Variants in ARFGEF2 observed in about 807,000 individuals in gnomAD.
ARFGEF2 encodes ARF guanine nucleotide exchange factor 2.
A neutral mutation model predicts 219.9 loss-of-function variants in ARFGEF2; 74 were observed. That is an observed-to-expected ratio of 0.34 (90% CI 0.28 to 0.41). The LOEUF is 0.41. ARFGEF2 is among the 10% of genes least tolerant of loss of function. The pLI, the probability that ARFGEF2 is intolerant of heterozygous loss-of-function variation, is 1.00. For synonymous variants in ARFGEF2, 733 were observed against 799.2 expected (o/e 0.92, Z 1.40); for missense variants, 1,743 against 2,218.3 (o/e 0.79, Z 4.30).
At chr20:48,982,223 C>T (rs1171235248) in intron 14 of ARFGEF2, among the ~76,000 whole-genome samples, 2 of 152,126 alleles carry the variant, frequency 1.3e-5, no homozygotes, top group Non-Finnish European at 2.9e-5. Context: ...TGTAGCTTTC[C>T]TTCTAACAGT....
chr20:48,993,435 G>T (rs1345948337), intron 21 of ARFGEF2, among the ~76,000 whole-genome samples: 1 of 152,164 alleles, frequency 6.6e-6, no homozygotes, highest in African/African-American at 2.4e-5. Context: ...ATTCTCTTTG[G>T]TGGAATTAAG....
chr20:49,002,159 A>AC (rs2091429110), intron 25 of ARFGEF2, among the ~76,000 whole-genome samples: 1 of 152,196 alleles, frequency 6.6e-6, no homozygotes, highest in African/African-American at 2.4e-5. Flanking sequence ...ACTATCTCGA[A>AC]CCCGGGGGGT....
chr20:48,940,616 C>T (rs920164412), intron 1 of ARFGEF2, among the ~76,000 whole-genome samples: 1 of 152,200 alleles, frequency 6.6e-6, no homozygotes, highest in Non-Finnish European at 1.5e-5. Context: ...CAGAAAGCCT[C>T]GGTTCAAATT....
chr20:48,990,504 A>G (rs1223430573), intron 20 of ARFGEF2, among the ~76,000 whole-genome samples: 1 of 152,136 alleles, frequency 6.6e-6, no homozygotes, highest in Non-Finnish European at 1.5e-5. Flanking sequence ...GTTGCACCCC[A>G]TTTATTTTTA....
chr20:48,995,966 ATTTC>A, intron 23 of ARFGEF2, 84 bp downstream of exon 23: 2 of 1,236,098 alleles, frequency 1.6e-6, no homozygotes, highest in Middle Eastern at 3.8e-4. Context: ...ATGATTCCTA[ATTTC>A]TTTAACTGAT....
chr20:49,005,245 G>C (rs376442530), intron 26 of ARFGEF2, 24 bp downstream of exon 26: 2 of 1,613,572 alleles, frequency 1.2e-6, no homozygotes, highest in Non-Finnish European at 8.5e-7. Flanking sequence ...TCTGGAAGAC[G>C]CTTGGTCAAA....
chr20:49,002,163 G>A (rs555658048), intron 25 of ARFGEF2, among the ~76,000 whole-genome samples: 12 of 152,292 alleles, frequency 7.9e-5, no homozygotes, highest in South Asian at 2.1e-4. Flanking sequence ...TCTCGAACCC[G>A]GGGGGTGGAG....
intron 16 of ARFGEF2, among the ~76,000 whole-genome samples, chr20:48,986,680 C>T (rs1045680599): frequency 6.6e-6 from 1 of 152,060 alleles, no homozygotes; most frequent in Admixed American, 6.6e-5. Context: ...ATGCTGTGAC[C>T]ATGATGTGGA....
intron 12 of ARFGEF2, 108 bp from the exon 13 acceptor site, chr20:48,974,658 T>A: frequency 1.2e-6 from 1 of 806,574 alleles, no homozygotes; most frequent in Non-Finnish European, 2.1e-6. Context: ...TAGCACTGAC[T>A]GTCAGTGATT....
chr20:49,032,090 C>T lies in ARFGEF2; in HGVS notation c.5105C>T (p.Ser1702Phe), dbSNP rs767531219. 5 of 1,614,094 alleles carry T rather than the reference C, an allele frequency of 3.1e-6. No individual in the cohort carries two copies. Among genetic ancestry groups the T allele is most frequent in the Non-Finnish European group, 4.2e-6 (5 of 1,180,010 alleles). Residue 1702 changes from serine (S) to phenylalanine (F), a missense_variant, in exon 38 of 39, where the codon TCT (serine) becomes TTT (phenylalanine). Physicochemically the swap from Ser to Phe is radical, Grantham distance 155. Transcript: ENST00000371917. ...CTTGCCTATTTCATCACTGTGAATT[C>T]TGAGAGCCATCGGGAGGCCTGGACA... Reference protein sequence around the residue: ...EALAYFITVNSESHREAWTSL... With the variant: ...EALAYFITVNFESHREAWTSL...
intron 27 of ARFGEF2, among the ~76,000 whole-genome samples, chr20:49,011,376 G>A (rs554926606): frequency 2.0e-5 from 3 of 152,188 alleles, no homozygotes; most frequent in Admixed American, 2.0e-4. Flanking sequence ...TAACTATCAG[G>A]AATAATGAGA....
chr20:49,034,434 C>T lies in ARFGEF2; in HGVS notation c.*1235C>T, dbSNP rs2091654929. The T allele has an allele frequency of 6.6e-6, 1 of 152,216 alleles. No homozygotes were observed. The highest frequency in any genetic ancestry group is 1.5e-5 in the Non-Finnish European group (1 of 68,044). 9.4% of individuals were successfully genotyped at this position (152,216 alleles called of 1,614,324 possible). On this transcript the variant is annotated 3_prime_UTR_variant, in exon 39 of 39. Transcript: ENST00000371917. ...CCTGCAGTAGAACTGAGTTCTGCTGCAGCTTGTGTAAAAGTGGGCAGTACA... is the reference window on the plus strand; with the variant it reads ...CCTGCAGTAGAACTGAGTTCTGCTGTAGCTTGTGTAAAAGTGGGCAGTACA...
intron 11 of ARFGEF2, among the ~76,000 whole-genome samples, chr20:48,972,686 C>T (rs1035524835): frequency 2.0e-5 from 3 of 152,154 alleles, no homozygotes; most frequent in South Asian, 2.1e-4. Context: ...CACTTGGTTA[C>T]GTTACCTACA....
At chr20:48,970,775 A>ACT (rs1348483183) in intron 9 of ARFGEF2, among the ~76,000 whole-genome samples, 2 of 152,214 alleles carry the variant, frequency 1.3e-5, no homozygotes, top group Non-Finnish European at 2.9e-5. Context: ...TGTGTGAAAC[A>ACT]GAGTGAGCCA....
chr20:48,970,010 C>G (rs2091214857), intron 9 of ARFGEF2, among the ~76,000 whole-genome samples: 1 of 152,230 alleles, frequency 6.6e-6, no homozygotes, highest in African/African-American at 2.4e-5. Flanking sequence ...GCTGCTAATA[C>G]TGTGATAGGT....
chr20:48,982,779 C>T (rs567014005), intron 14 of ARFGEF2, among the ~76,000 whole-genome samples: 13 of 152,248 alleles, frequency 8.5e-5, no homozygotes, highest in African/African-American at 3.1e-4. Flanking sequence ...AGCAAGGCTC[C>T]GTGGGCGTGG....
rs1041263345 is a variant in ARFGEF2 at position 49,036,250 on chromosome 20, A to T, written c.*3051A>T. ...CATGGAATCCTGGAGTTTTGTTATC[A>T]GCAGCTTTGCAGTTTGGGAAACAAA... On this transcript the variant is annotated 3_prime_UTR_variant, in exon 39 of 39. Transcript: ENST00000371917. The T allele has an allele frequency of 1.3e-5, 5 of 398,260 alleles. No homozygotes were observed. The highest frequency in any genetic ancestry group is 1.2e-3 in the Middle Eastern group (2 of 1,606). 24.7% of individuals were successfully genotyped at this position (398,260 alleles called of 1,614,324 possible). A position where few individuals can be genotyped will look rare whatever the true frequency, so the allele number is the denominator to read the frequency against.
chr20:48,998,893 CT>C (rs1007542854), intron 25 of ARFGEF2, among the ~76,000 whole-genome samples: 17 of 152,182 alleles, frequency 1.1e-4, no homozygotes, highest in African/African-American at 4.1e-4. Flanking sequence ...GTCACTGCTT[CT>C]TGTATTCCGG....
intron 1 of ARFGEF2, among the ~76,000 whole-genome samples, chr20:48,938,291 T>C (rs948167464): frequency 1.8e-4 from 27 of 152,340 alleles, no homozygotes; most frequent in African/African-American, 5.8e-4. Flanking sequence ...AAAAGCCACT[T>C]TTAGCCCCTG....
Sources: allele counts gnomAD v4.1 joint callset (sites outside exome capture counted in the v4.1 genomes callset), GRCh38; gene constraint gnomAD v4.1.1; transcripts MANE v1.5; gene names NCBI Gene and HGNC (gene_info 2026-07-23, HGNC 2026-07-21).